SHLD1: variants seen among roughly 807,000 people sequenced by gnomAD.
The protein encoded by SHLD1 is shieldin complex subunit 1, also known as RINN1-REV7-interacting novel NHEJ regulator 3.
In SHLD1, 3 loss-of-function variants were observed where a neutral mutation model predicts 5.5. The observed-to-expected ratio is 0.54, with a 90% CI of 0.25 to 1.40. The LOEUF is 1.40. Ranked by LOEUF, SHLD1 falls within the 40% of genes most tolerant of loss-of-function variation. SHLD1 has a pLI of 0.15. For synonymous variants in SHLD1, 92 were observed against 94.3 expected (o/e 0.98, Z 0.14); for missense variants, 210 against 244.4 (o/e 0.86, Z 0.94).
intron 2 of SHLD1, among the ~76,000 whole-genome samples, chr20:5,822,818 TA>T (rs1328079251): frequency 3.1e-4 from 46 of 147,466 alleles, no homozygotes; most frequent in South Asian, 6.4e-4. Context: ...ATTTCCCATC[TA>T]AAAAAAAAAA....
intron 2 of SHLD1, among the ~76,000 whole-genome samples, chr20:5,862,613 C>T (rs952248987): frequency 3.9e-5 from 6 of 152,224 alleles, no homozygotes; most frequent in African/African-American, 1.2e-4. Flanking sequence ...TTTCCTGTAA[C>T]AGCTGAGATC....
chr20:5,811,810 C>T (rs946705301), intron 2 of SHLD1, among the ~76,000 whole-genome samples: 1 of 151,884 alleles, frequency 6.6e-6, no homozygotes, highest in Admixed American at 6.6e-5. Context: ...GAGCCATGAC[C>T]ATGCCACTGC....
At chr20:5,767,127 CTT>C (rs899317361) in intron 1 of SHLD1, among the ~76,000 whole-genome samples, 1 of 76,712 alleles carries the variant, frequency 1.3e-5, no homozygotes, top group Non-Finnish European at 2.8e-5. Context: ...TTCACATTTT[CTT>C]TTCTTTTCTT....
At chr20:5,787,226 A>G (rs1366014356) in intron 2 of SHLD1, among the ~76,000 whole-genome samples, 2 of 152,230 alleles carry the variant, frequency 1.3e-5, no homozygotes, top group Non-Finnish European at 2.9e-5. Context: ...CACACCAGGT[A>G]GGATCCAACT....
chr20:5,761,113 G>A (rs951426541), intron 1 of SHLD1, among the ~76,000 whole-genome samples: 5 of 152,060 alleles, frequency 3.3e-5, no homozygotes, highest in African/African-American at 1.2e-4. Flanking sequence ...GCAGGGACAT[G>A]GATGAAGCTG....
chr20:5,764,161 T>C (rs1984668017), intron 1 of SHLD1, among the ~76,000 whole-genome samples: 1 of 77,608 alleles, frequency 1.3e-5, no homozygotes. Context: ...TTTATATTTA[T>C]ATATATATAT....
chr20:5,766,118 A>G (rs1250369355), intron 1 of SHLD1, among the ~76,000 whole-genome samples: 1 of 152,200 alleles, frequency 6.6e-6, no homozygotes, highest in Non-Finnish European at 1.5e-5. Flanking sequence ...AGGATATGCC[A>G]GCATCATTCA....
At chr20:5,849,755 C>G (rs1036347529) in intron 2 of SHLD1, among the ~76,000 whole-genome samples, 2 of 149,448 alleles carry the variant, frequency 1.3e-5, no homozygotes, top group African/African-American at 2.5e-5. Flanking sequence ...GTCAGGAGAT[C>G]GAGACCATCC....
intron 1 of SHLD1, among the ~76,000 whole-genome samples, chr20:5,770,921 G>A (rs1028756517): frequency 2.0e-5 from 3 of 152,100 alleles, no homozygotes; most frequent in African/African-American, 7.2e-5. Context: ...TTATTAATAG[G>A]TCCTTAAATT....
At chr20:5,836,342 T>C (rs1183903669) in intron 2 of SHLD1, among the ~76,000 whole-genome samples, 1 of 152,214 alleles carries the variant, frequency 6.6e-6, no homozygotes, top group East Asian at 1.9e-4. Context: ...TGATGTCAAA[T>C]ACTGTAAAAA....
chr20:5,832,842 A>C (rs1001536624), intron 2 of SHLD1, among the ~76,000 whole-genome samples: 12 of 129,940 alleles, frequency 9.2e-5, no homozygotes, highest in South Asian at 2.5e-4. Flanking sequence ...TAAATAAATA[A>C]ATAAATGGGG....
rs533808632 is a variant in SHLD1 at position 5,850,314 on chromosome 20, G to A, written c.179-12710G>A. 7.3e-5 allele frequency among the ~76,000 whole-genome samples: 11 copies of A among 151,502 alleles called. No individual in the cohort carries two copies. The South Asian group carries it at 2.1e-3, about 29-fold the overall frequency. On this transcript the variant is annotated intron_variant, in intron 2 of 2. Transcript: ENST00000303142. The stretch of plus-strand genomic sequence containing the variant: ...CCTGGCTTCTTAGTCTAGCCCCCAC[G>A]CCCTCCAGAGCCTAACCCCATTTCT...
chr20:5,802,183 C>T lies in SHLD1; in HGVS notation c.178+29140C>T, dbSNP rs543358547. ...AAGAAAAAGCATGTCCAGATCCCAACTTCCCTTGTATTGCTGCTTATTTTT... is the reference window on the plus strand; with the variant it reads ...AAGAAAAAGCATGTCCAGATCCCAATTTCCCTTGTATTGCTGCTTATTTTT... On this transcript the variant is annotated intron_variant, in intron 2 of 2. Transcript: ENST00000303142. Among the ~76,000 whole-genome samples, 17 of 152,304 alleles carry T rather than the reference C, an allele frequency of 1.1e-4. No homozygotes were observed. The South Asian group carries it at 3.3e-3, about 30-fold the overall frequency.
chr20:5,826,200 C>A (rs2087663157), intron 2 of SHLD1, among the ~76,000 whole-genome samples: 1 of 152,140 alleles, frequency 6.6e-6, no homozygotes, highest in South Asian at 2.1e-4. Context: ...CAGATGGTAA[C>A]AAAATATAAT....
At chr20:5,804,610 A>G (rs2087348103) in intron 2 of SHLD1, among the ~76,000 whole-genome samples, 1 of 152,216 alleles carries the variant, frequency 6.6e-6, no homozygotes, top group African/African-American at 2.4e-5. Flanking sequence ...CATTGCAGAA[A>G]TCATACTTGA....
At chr20:5,848,190 GCATATGGATA>G (rs2087954497) in intron 2 of SHLD1, among the ~76,000 whole-genome samples, 1 of 152,166 alleles carries the variant, frequency 6.6e-6, no homozygotes, top group Non-Finnish European at 1.5e-5. Flanking sequence ...CAACACTCTT[GCATATGGATA>G]CATATATATG....
intron 1 of SHLD1, among the ~76,000 whole-genome samples, chr20:5,752,395 CA>C (rs75840593): frequency 0.33 from 40,583 of 121,402 alleles, 5,637 homozygotes; most frequent in Middle Eastern, 0.45. Context: ...GACTCCATCT[CA>C]AAAAAAAAAA....
In SHLD1 at chr20:5,806,614, G is replaced by A. The variant is rs538809309; in HGVS notation, c.178+33571G>A. On this transcript the variant is annotated intron_variant, in intron 2 of 2. Coordinates refer to ENST00000303142, the MANE Select transcript of SHLD1 (RefSeq NM_152504.4). This position sits in a 1 kb window ranked among gnomAD's most constrained non-coding sequence, Gnocchi z 7.6. ...TAGAAGTGGAACAGAGGCCTGCAGT[G>A]TTGTCCCAGGAGCTGTTGAGGGCAG... is the stretch of plus-strand genomic sequence containing the variant. Among the ~76,000 whole-genome samples the A allele has an allele frequency of 1.3e-5, 2 of 152,344 alleles. No homozygotes were observed. Among genetic ancestry groups the A allele is most frequent in the East Asian group, 1.9e-4 (1 of 5,194 alleles).
intron 2 of SHLD1, among the ~76,000 whole-genome samples, chr20:5,791,829 C>T (rs769278575): frequency 3.6e-4 from 55 of 152,152 alleles, no homozygotes; most frequent in Non-Finnish European, 6.8e-4. Context: ...GGTCAATACA[C>T]AATTCAGTTT....
Sources: gnomAD v4.1 joint callset for allele counts (sites outside exome capture counted in the v4.1 genomes callset) on GRCh38, gnomAD v4.1.1 for gene constraint, Gnocchi (gnomAD v3.1) non-coding constraint, MANE v1.5 for transcripts, NCBI Gene and HGNC (gene_info 2026-07-23, HGNC 2026-07-21) for gene names.